The following LBH variants were observed in gnomAD, a reference collection of about 807,000 sequenced individuals.
LBH encodes the protein LBH regulator of Wnt signaling pathway, also known as protein LBH.
LBH carries 7 observed loss-of-function variants against 12.5 expected under a neutral mutation model. The ratio of observed to expected loss-of-function variants is 0.56; its 90% CI spans 0.32 to 1.05. The LOEUF (loss-of-function observed/expected upper bound fraction) is 1.05. Among genes scored for constraint, LBH ranks in the 50% least tolerant of loss-of-function variants. The pLI is 0.04. For missense variants in LBH, 119 were observed against 138.9 expected, an observed-to-expected ratio of 0.86 and a Z score of 0.72; for synonymous variants, 51 against 50.1, an observed-to-expected ratio of 1.02 and a Z score of -0.08.
chr2:30,240,695 C>T (rs1426204310), intron 2 of LBH, among the ~76,000 whole-genome samples: 3 of 152,206 alleles, frequency 2.0e-5, no homozygotes, highest in Non-Finnish European at 4.4e-5. Flanking sequence ...AAAGTTTCTC[C>T]AAACTATAGT....
intron 2 of LBH, among the ~76,000 whole-genome samples, chr2:30,256,246 G>A (rs1019966069): frequency 1.3e-5 from 2 of 152,142 alleles, no homozygotes; most frequent in Non-Finnish European, 2.9e-5. Context: ...GCCAGCTCTG[G>A]GCAGGACACA....
chr2:30,238,079 C>T (rs1010554130), intron 2 of LBH, among the ~76,000 whole-genome samples: 2 of 152,194 alleles, frequency 1.3e-5, no homozygotes, highest in Non-Finnish European at 2.9e-5. Context: ...TCTTTGGCTC[C>T]AGGGACTCTA....
At chr2:30,257,346 G>T (rs563056011) in intron 2 of LBH, 87 bp from the exon 3 acceptor site, 8 of 1,460,762 alleles carry the variant, frequency 5.5e-6, no homozygotes, top group Middle Eastern at 1.7e-4. Context: ...CATGCACCCA[G>T]TATGCCACAT....
intron 2 of LBH, among the ~76,000 whole-genome samples, chr2:30,247,021 A>G (rs900009691): frequency 2.0e-5 from 3 of 151,708 alleles, no homozygotes; most frequent in Non-Finnish European, 4.4e-5. Context: ...GGGTCTCACT[A>G]TGTTGCCCAG....
rs539944447 is a variant in LBH, at chr2:30,233,372, T to C, written c.27-1033T>C. On this transcript the variant is annotated intron_variant, in intron 1 of 2. Transcript: ENST00000395323. ...GGGGCAGAGCCTAGAACCTATTGCT[T>C]CTGTTTCTAAATCCAGTGTCATTTC... Among the ~76,000 whole-genome samples the C allele has an allele frequency of 1.4e-4, 22 of 152,342 alleles. No individual in the cohort carries two copies. In the South Asian group the frequency reaches 4.6e-3, roughly 32 times the overall value.
At chr2:30,249,402 G>A (rs872260) in intron 2 of LBH, among the ~76,000 whole-genome samples, 7,583 of 152,226 alleles carry the variant, frequency 0.05, 267 homozygotes, top group East Asian at 0.12. Context: ...CCAGCCCATC[G>A]TAGGAAGGAA....
intron 2 of LBH, among the ~76,000 whole-genome samples, chr2:30,239,944 C>G (rs971710454): frequency 1.3e-5 from 2 of 152,198 alleles, no homozygotes; most frequent in Non-Finnish European, 2.9e-5. Flanking sequence ...AACAGTGAGT[C>G]TGTAGCCTGG....
chr2:30,256,757 A>C (rs1678092700), intron 2 of LBH: 3 of 152,958 alleles, frequency 2.0e-5, no homozygotes, highest in Admixed American at 2.0e-4. Flanking sequence ...CGATCTCCTG[A>C]CCTCGTGATC....
At position 30,257,693 on chromosome 2, in the gene LBH, G is replaced by A. The variant is rs1487378986; in HGVS notation, c.*72G>A. On this transcript the variant is annotated 3_prime_UTR_variant, in exon 3 of 3. Transcript: ENST00000395323. The stretch of plus-strand genomic sequence containing the variant: ...GAACTGTGTTTTTCCCATCATGACG[G>A]AAGAAGAGAGTGAGCCGCAATTGTT... The A allele has an allele frequency of 1.1e-5, 13 of 1,163,488 alleles. No individual in the cohort carries two copies. The highest frequency in any genetic ancestry group is 1.5e-5 in the Non-Finnish European group (13 of 840,400). The allele number at this position is 1,163,488 out of a possible 1,614,324, so 72.1% of individuals were successfully genotyped here.
At chr2:30,232,543 A>T in intron 1 of LBH, 2 of 194,914 alleles carry the variant, frequency 1.0e-5, no homozygotes, top group South Asian at 1.6e-4. Context: ...GCTCTGGGTT[A>T]GAGGAGAAGC....
intron 2 of LBH, among the ~76,000 whole-genome samples, chr2:30,246,853 G>C (rs1369276527): frequency 9.6e-6 from 1 of 104,124 alleles, no homozygotes; most frequent in Non-Finnish European, 1.8e-5. Flanking sequence ...TCAGCGTTTT[G>C]CTCTGTCACC....
intron 1 of LBH, among the ~76,000 whole-genome samples, chr2:30,233,408 A>G (rs900466022): frequency 6.6e-6 from 1 of 152,246 alleles, no homozygotes; most frequent in Admixed American, 6.5e-5. Context: ...TTATCTATGT[A>G]GTAACCATAC....
At position 30,231,799 on chromosome 2, in the gene LBH, C is replaced by G. The variant is rs753236191; in HGVS notation, c.26+35C>G. 13 of 1,542,152 alleles carry G rather than the reference C, an allele frequency of 8.4e-6. No individual in the cohort carries two copies. The Admixed American group carries it at 2.6e-4, about 31-fold the overall frequency. Reference sequence around the variant, plus strand: ...CTGCGCCTGCGGCGGGCGTCTGTCTCGCGGCGGTGGCTGCGGGCCCGGGCG... The same window carrying G: ...CTGCGCCTGCGGCGGGCGTCTGTCTGGCGGCGGTGGCTGCGGGCCCGGGCG... On this transcript the variant is annotated intron_variant, in intron 1 of 2. Transcript: ENST00000395323.
intron 2 of LBH, among the ~76,000 whole-genome samples, chr2:30,245,603 A>C (rs1677857060): frequency 6.6e-6 from 1 of 152,092 alleles, no homozygotes; most frequent in African/African-American, 2.4e-5. Flanking sequence ...AGAGTCCAGA[A>C]CCTCTCAGCA....
rs1486977857 is a variant in LBH, at chr2:30,257,710, G to T, written c.*89G>T. On this transcript the variant is annotated 3_prime_UTR_variant, in exon 3 of 3. Transcript: ENST00000395323. ...TCATGACGGAAGAAGAGAGTGAGCC[G>T]CAATTGTTCTGAAAATGTCAAACGA... 4 of 957,338 alleles carry T rather than the reference G, an allele frequency of 4.2e-6. No homozygotes were observed. The African/African-American group carries it at 5.1e-5, about 12-fold the overall frequency. The allele number at this position is 957,338 out of a possible 1,614,324, so 59.3% of individuals were successfully genotyped here.
intron 2 of LBH, among the ~76,000 whole-genome samples, chr2:30,243,351 T>C (rs1469940924): frequency 6.6e-6 from 1 of 152,282 alleles, no homozygotes; most frequent in South Asian, 2.1e-4. Flanking sequence ...TTGAGCATTG[T>C]GTAAACCTTG....
chr2:30,239,809 C>T (rs1169892174), intron 2 of LBH, among the ~76,000 whole-genome samples: 1 of 152,152 alleles, frequency 6.6e-6, no homozygotes, highest in Non-Finnish European at 1.5e-5. Context: ...AGTCATTGTT[C>T]ACCTTGTTCA....
intron 2 of LBH, among the ~76,000 whole-genome samples, chr2:30,241,319 G>A (rs769247033): frequency 2.0e-5 from 3 of 152,024 alleles, no homozygotes; most frequent in Non-Finnish European, 2.9e-5. Flanking sequence ...ATTATAGGAA[G>A]TTTTTCCTTC....
chr2:30,251,370 A>G (rs1677974873), intron 2 of LBH, among the ~76,000 whole-genome samples: 1 of 152,272 alleles, frequency 6.6e-6, no homozygotes, highest in East Asian at 1.9e-4. Flanking sequence ...CTTACAGACC[A>G]TCTCTTCCTG....
Sources: gnomAD v4.1 joint callset for allele counts (sites outside exome capture counted in the v4.1 genomes callset) on GRCh38, gnomAD v4.1.1 for gene constraint, MANE v1.5 for transcripts, NCBI Gene and HGNC (gene_info 2026-07-23, HGNC 2026-07-21) for gene names.